Variants in NPAS3 observed in about 807,000 individuals in gnomAD.
NPAS3 encodes neuronal PAS domain-containing protein 3.
NPAS3 carries 14 observed loss-of-function variants against 73.1 expected under a neutral mutation model. That is an observed-to-expected ratio of 0.19 (90% CI 0.13 to 0.30). The LOEUF is 0.30. Ranked by LOEUF, NPAS3 falls within the 10% of genes least tolerant of loss-of-function variation. NPAS3 has a pLI of 1.00. For missense variants in NPAS3, 1,096 were observed against 1,250.0 expected (o/e 0.88, Z 1.86); for synonymous variants, 620 against 541.5 (o/e 1.14, Z -2.01).
intron 4 of NPAS3, among the ~76,000 whole-genome samples, chr14:33,527,614 T>C (rs1189022508): frequency 6.6e-6 from 1 of 152,134 alleles, no homozygotes; most frequent in Non-Finnish European, 1.5e-5. Flanking sequence ...AGATAATAAA[T>C]GCATGGTCAC....
chr14:33,683,499 C>A (rs1566420195), intron 6 of NPAS3, among the ~76,000 whole-genome samples: 1 of 142,928 alleles, frequency 7.0e-6, no homozygotes, highest in Non-Finnish European at 1.5e-5. Context: ...AATTCTATTT[C>A]TATAGCTCTT....
At chr14:33,457,060 A>T (rs972529600) in intron 4 of NPAS3, among the ~76,000 whole-genome samples, 2 of 152,206 alleles carry the variant, frequency 1.3e-5, no homozygotes, top group African/African-American at 4.8e-5. Context: ...TGGCTGTGTC[A>T]TATCTTCCTG....
At chr14:33,338,469 G>A (rs932971101) in intron 3 of NPAS3, among the ~76,000 whole-genome samples, 6 of 152,016 alleles carry the variant, frequency 3.9e-5, no homozygotes, top group African/African-American at 9.7e-5. Flanking sequence ...AGTTGATTAC[G>A]GCACATTTGT....
At chr14:33,436,702 C>T (rs1250793076) in intron 4 of NPAS3, among the ~76,000 whole-genome samples, 2 of 152,174 alleles carry the variant, frequency 1.3e-5, no homozygotes, top group South Asian at 2.1e-4. Context: ...ATCCAATTTA[C>T]AACCTATTTC....
At chr14:33,443,058 CA>C (rs2139296571) in intron 4 of NPAS3, among the ~76,000 whole-genome samples, 1 of 152,312 alleles carries the variant, frequency 6.6e-6, no homozygotes, top group African/African-American at 2.4e-5. Context: ...CAGAGCAAAT[CA>C]GTAGAAGAGA....
chr14:33,360,385 A>G (rs2045543773), intron 3 of NPAS3, among the ~76,000 whole-genome samples: 1 of 152,044 alleles, frequency 6.6e-6, no homozygotes, highest in Non-Finnish European at 1.5e-5. Flanking sequence ...ACCCCAGCAC[A>G]CTCCATATCT....
chr14:33,785,619 A>T (rs2063147410), intron 9 of NPAS3, among the ~76,000 whole-genome samples: 1 of 152,122 alleles, frequency 6.6e-6, no homozygotes, highest in African/African-American at 2.4e-5. Flanking sequence ...AAAAAACATC[A>T]AACTTTTTTT....
intron 5 of NPAS3, among the ~76,000 whole-genome samples, chr14:33,662,465 G>GT (rs1272325694): frequency 6.6e-6 from 1 of 152,164 alleles, no homozygotes; most frequent in African/African-American, 2.4e-5. Context: ...ATTTAAAGTA[G>GT]TTTTTTCTAA....
chr14:33,698,643 C>T (rs562678875), intron 6 of NPAS3, among the ~76,000 whole-genome samples: 4 of 152,296 alleles, frequency 2.6e-5, no homozygotes, highest in Admixed American at 6.5e-5. Context: ...CTCCCCTAAA[C>T]GTTAGCTTTA....
chr14:33,801,278 T>G (rs1595647367), downstream of NPAS3: 1 of 1,346,202 alleles, frequency 7.4e-7, no homozygotes. Context: ...TATTCTTTCG[T>G]GTAAAGATAT....
intron 2 of NPAS3, among the ~76,000 whole-genome samples, chr14:33,112,315 A>G (rs2042922137): frequency 6.6e-6 from 1 of 152,120 alleles, no homozygotes; most frequent in African/African-American, 2.4e-5. Context: ...ATTTCTCCAC[A>G]TCCTCTCCAG....
At chr14:33,688,651 T>A (rs1055846947) in intron 6 of NPAS3, among the ~76,000 whole-genome samples, 2 of 152,214 alleles carry the variant, frequency 1.3e-5, no homozygotes, top group Non-Finnish European at 2.9e-5. Context: ...AGCTCCTAGA[T>A]GAATCTAGCA....
chr14:33,133,360 T>G (rs2043711621), intron 2 of NPAS3, among the ~76,000 whole-genome samples: 1 of 152,176 alleles, frequency 6.6e-6, no homozygotes, highest in Admixed American at 6.5e-5. Context: ...ATAAATAAAA[T>G]ATTTTATTCA....
chr14:32,971,092 T>TC (rs1028419566), intron 1 of NPAS3, among the ~76,000 whole-genome samples: 16 of 151,022 alleles, frequency 1.1e-4, no homozygotes, highest in African/African-American at 3.4e-4. Flanking sequence ...TTTTTTCTTT[T>TC]TTTTTTTTTT....
intron 2 of NPAS3, among the ~76,000 whole-genome samples, chr14:33,203,734 TG>T (rs1364679155): frequency 6.6e-6 from 1 of 152,224 alleles, no homozygotes; most frequent in Non-Finnish European, 1.5e-5. Context: ...GTTGGACATT[TG>T]GGTTGGTTCC....
At chr14:33,509,344 C>T (rs554300875) in intron 4 of NPAS3, among the ~76,000 whole-genome samples, 2 of 151,926 alleles carry the variant, frequency 1.3e-5, no homozygotes, top group Non-Finnish European at 2.9e-5. Flanking sequence ...AATATTTGAC[C>T]TACTCTTTCT....
intron 1 of NPAS3, among the ~76,000 whole-genome samples, chr14:33,001,165 T>C (rs1171307624): frequency 1.3e-5 from 2 of 152,198 alleles, no homozygotes; most frequent in Admixed American, 6.5e-5. Context: ...AATAGCTACA[T>C]TCTAGGTTCT....
chr14:32,978,372 A>G (rs899861776), intron 1 of NPAS3, among the ~76,000 whole-genome samples: 1 of 152,214 alleles, frequency 6.6e-6, no homozygotes, highest in African/African-American at 2.4e-5. Context: ...GGCCATCCAC[A>G]TACAACTCAG....
chr14:33,338,743 TA>T (rs1320791794), intron 3 of NPAS3, among the ~76,000 whole-genome samples: 2 of 152,216 alleles, frequency 1.3e-5, no homozygotes, highest in Non-Finnish European at 2.9e-5. Context: ...AATTAATCTT[TA>T]AAAGACTTTT....
Sources: gnomAD v4.1 joint callset for allele counts (sites outside exome capture counted in the v4.1 genomes callset) on GRCh38, gnomAD v4.1.1 for gene constraint, MANE v1.5 for transcripts, NCBI Gene and HGNC (gene_info 2026-07-23, HGNC 2026-07-21) for gene names.